Variants in SUGCT observed in about 807,000 individuals in gnomAD.
The protein encoded by SUGCT is succinyl-CoA:glutarate-CoA transferase.
In SUGCT, 41 loss-of-function variants were observed where a neutral mutation model predicts 55.0. The observed-to-expected ratio is 0.74, with a 90% CI of 0.58 to 0.97. The LOEUF (loss-of-function observed/expected upper bound fraction) is 0.97, where lower values mean the gene tolerates loss of function less well. Among genes scored for constraint, SUGCT ranks in the 50% least tolerant of loss-of-function variants. SUGCT has a pLI of 0.00. For synonymous variants in SUGCT, 187 were observed against 200.4 expected (o/e 0.93, Z 0.56); for missense variants, 568 against 547.8 (o/e 1.04, Z -0.37).
chr7:40,147,811 A>C (rs186465074), intron 1 of SUGCT, among the ~76,000 whole-genome samples: 23 of 152,372 alleles, frequency 1.5e-4, no homozygotes, highest in Non-Finnish European at 7.3e-5. Flanking sequence ...TAATCACAGG[A>C]GACCCCCCAA....
chr7:40,507,788 T>A (rs989838203), intron 12 of SUGCT, among the ~76,000 whole-genome samples: 2 of 152,150 alleles, frequency 1.3e-5, no homozygotes, highest in Non-Finnish European at 1.5e-5. Flanking sequence ...CCCCAAATTG[T>A]GCTTTGATTA....
Position 40,776,627 on chromosome 7 carries a change from C to T in SUGCT, c.1153+27130C>T, listed in dbSNP as rs191022007. The stretch of plus-strand genomic sequence containing the variant: ...TACGTATTATTTCAGTTTTAAATGT[C>T]AACACCTCTATCTCAAAGAGATATT... On this transcript the variant is annotated intron_variant, in intron 13 of 13. Transcript: ENST00000335693. Among the ~76,000 whole-genome samples the T allele has an allele frequency of 6.6e-3, 1,002 of 152,290 alleles. 2 individuals are homozygous for T. The highest frequency in any genetic ancestry group is 9.6e-3 in the Non-Finnish European group (653 of 68,036).
chr7:40,338,056 T>A (rs1433000767), intron 9 of SUGCT, among the ~76,000 whole-genome samples: 1 of 152,226 alleles, frequency 6.6e-6, no homozygotes, highest in South Asian at 2.1e-4. Context: ...TTCTTTTCTT[T>A]AAGAATGTTG....
At chr7:40,885,326 A>G in the SUGCT span, among the ~76,000 whole-genome samples, 1 of 152,138 alleles carries the variant, frequency 6.6e-6, no homozygotes, top group East Asian at 1.9e-4. Context: ...CCTCAAAAGT[A>G]TACTTTTCCC....
chr7:41,009,417 G>A, the SUGCT span, among the ~76,000 whole-genome samples: 5 of 152,120 alleles, frequency 3.3e-5, no homozygotes, highest in East Asian at 1.9e-4. Context: ...CTAGTGCCAC[G>A]GGACAGGTAA....
At chr7:40,375,979 G>A (rs1784521886) in intron 9 of SUGCT, among the ~76,000 whole-genome samples, 1 of 152,134 alleles carries the variant, frequency 6.6e-6, no homozygotes. Flanking sequence ...GTGTCAGATG[G>A]AGGATGTAGC....
chr7:40,348,023 A>G (rs1026175247), intron 9 of SUGCT, among the ~76,000 whole-genome samples: 15 of 152,164 alleles, frequency 9.9e-5, no homozygotes, highest in African/African-American at 3.4e-4. Flanking sequence ...GAATGACCCT[A>G]CCCCTTGTAA....
intron 13 of SUGCT, among the ~76,000 whole-genome samples, chr7:40,812,642 A>C (rs905734814): frequency 9.9e-5 from 15 of 151,904 alleles, no homozygotes; most frequent in Non-Finnish European, 1.9e-4. Context: ...CTAGCAGTCT[A>C]TTGATCTTGT....
chr7:40,951,352 CTTT>C, the SUGCT span, among the ~76,000 whole-genome samples: 1 of 152,100 alleles, frequency 6.6e-6, no homozygotes, highest in South Asian at 2.1e-4. Flanking sequence ...CTCTTTTCTT[CTTT>C]ATTAGTCTTG....
At chr7:40,367,875 GC>G (rs1187188289) in intron 9 of SUGCT, among the ~76,000 whole-genome samples, 1 of 152,032 alleles carries the variant, frequency 6.6e-6, no homozygotes, top group Non-Finnish European at 1.5e-5. Context: ...GGCCTTCCTG[GC>G]CCTTGCCATC....
At chr7:40,979,350 A>T in the SUGCT span, 1 of 152,218 alleles carries the variant, frequency 6.6e-6, no homozygotes, top group African/African-American at 2.4e-5. Flanking sequence ...TAAAGACCAG[A>T]AATGCTGTTG....
Position 40,860,485 on chromosome 7 carries a change from GA to G in SUGCT, c.*10del. 6.2e-7 allele frequency: 1 copy of G among 1,607,162 alleles called. No individual in the cohort carries two copies. The highest frequency in any genetic ancestry group is 8.5e-7 in the Non-Finnish European group (1 of 1,175,034). On this transcript the variant is annotated 3_prime_UTR_variant, in exon 14 of 14. Transcript: ENST00000335693. ...ACCAACATGAAACTCACTGACAAAG[GA>G]AAAGGGCTCTTCCTCATAACCTCGA...
chr7:40,590,367 G>A (rs1562884052), intron 12 of SUGCT, among the ~76,000 whole-genome samples: 1 of 152,144 alleles, frequency 6.6e-6, no homozygotes, highest in African/African-American at 2.4e-5. Flanking sequence ...AGAAATGATT[G>A]AGCTTAGTGA....
intron 12 of SUGCT, among the ~76,000 whole-genome samples, chr7:40,553,192 G>T (rs1362771860): frequency 3.9e-5 from 6 of 152,120 alleles, no homozygotes; most frequent in African/African-American, 1.4e-4. Context: ...TGCTGTATAC[G>T]TTCTCTCTTC....
chr7:40,599,272 G>A (rs73310208), intron 12 of SUGCT, among the ~76,000 whole-genome samples: 12,825 of 152,222 alleles, frequency 0.084, 606 homozygotes, highest in Middle Eastern at 0.12. Flanking sequence ...GGTAGCGTGT[G>A]TATTCTCATT....
the SUGCT span, among the ~76,000 whole-genome samples, chr7:40,879,291 C>A: frequency 1.3e-5 from 2 of 152,104 alleles, no homozygotes; most frequent in Non-Finnish European, 2.9e-5. Context: ...GTATAATTAA[C>A]CTCCATGTAT....
chr7:40,366,583 T>C (rs1196427611), intron 9 of SUGCT, among the ~76,000 whole-genome samples: 16 of 151,408 alleles, frequency 1.1e-4, no homozygotes, highest in African/African-American at 2.9e-4. Flanking sequence ...AAACAAACAA[T>C]CCCATCAAAA....
At chr7:40,990,111 A>G in the SUGCT span, among the ~76,000 whole-genome samples, 2 of 152,240 alleles carry the variant, frequency 1.3e-5, no homozygotes, top group Admixed American at 1.3e-4. Flanking sequence ...GCCCTATGGC[A>G]GCTGCAGTCT....
At chr7:40,806,499 C>T (rs562806472) in intron 13 of SUGCT, among the ~76,000 whole-genome samples, 1 of 151,960 alleles carries the variant, frequency 6.6e-6, no homozygotes, top group African/African-American at 2.4e-5. Flanking sequence ...TACTTTTTTC[C>T]CTACATTTTA....
Sources: allele counts gnomAD v4.1 joint callset (sites outside exome capture counted in the v4.1 genomes callset), GRCh38; gene constraint gnomAD v4.1.1; transcripts MANE v1.5; gene names NCBI Gene and HGNC (gene_info 2026-07-23, HGNC 2026-07-21).